Variants in EML6 observed in about 807,000 individuals in gnomAD.
EML6 encodes the protein EMAP like 6, also known as echinoderm microtubule-associated protein-like 6.
Under a neutral mutation model 240.1 loss-of-function variants are expected in EML6, and 154 were observed. The observed-to-expected ratio is 0.64, with a 90% CI of 0.56 to 0.73. EML6 has a LOEUF of 0.73. Ranked by LOEUF, EML6 falls within the 30% of genes least tolerant of loss-of-function variation. The pLI, the probability that EML6 is intolerant of heterozygous loss-of-function variation, is 0.00. For missense variants in EML6, 2,964 were observed against 2,474.6 expected, an observed-to-expected ratio of 1.20 and a Z score of -4.20; for synonymous variants, 1,148 against 899.0, an observed-to-expected ratio of 1.28 and a Z score of -4.95.
chr2:54,864,855 A>T (rs1164640474), intron 13 of EML6, among the ~76,000 whole-genome samples: 2 of 152,238 alleles, frequency 1.3e-5, no homozygotes, highest in Non-Finnish European at 2.9e-5. Flanking sequence ...CATAATCATC[A>T]GTCATTGATT....
rs536723618 is a variant in EML6 at position 54,886,965 on chromosome 2, G to A, written c.2439-4089G>A. On this transcript the variant is annotated intron_variant, in intron 17 of 41. Coordinates refer to ENST00000356458, the MANE Select transcript of EML6 (RefSeq NM_001039753.4). Reference sequence around the variant, plus strand: ...TCCTTCCCAGATGCAAGCAATAGGGGTATATTATCTGTAGAGAATTTGAAA... The same window carrying A: ...TCCTTCCCAGATGCAAGCAATAGGGATATATTATCTGTAGAGAATTTGAAA... Among the ~76,000 whole-genome samples the A allele has an allele frequency of 2.0e-5, 3 of 152,264 alleles. No homozygotes were observed. In the East Asian group the frequency reaches 5.8e-4, roughly 29 times the overall value.
intron 2 of EML6, among the ~76,000 whole-genome samples, chr2:54,801,532 T>G (rs971071657): frequency 2.0e-5 from 3 of 152,206 alleles, no homozygotes; most frequent in Non-Finnish European, 4.4e-5. Flanking sequence ...GCGCCAGCTC[T>G]GAGGAGGGCG....
intron 38 of EML6, among the ~76,000 whole-genome samples, chr2:54,966,106 A>G (rs192030971): frequency 1.3e-5 from 2 of 152,386 alleles, no homozygotes; most frequent in Admixed American, 1.3e-4. Context: ...AGCTTGCTCT[A>G]TAACAGAGAA....
At chr2:54,764,355 G>A (rs1455123300) in intron 2 of EML6, among the ~76,000 whole-genome samples, 1 of 152,202 alleles carries the variant, frequency 6.6e-6, no homozygotes, top group African/African-American at 2.4e-5. Context: ...GAATTAGCGA[G>A]ATTAGACCAA....
intron 28 of EML6, among the ~76,000 whole-genome samples, chr2:54,946,950 T>C (rs1675723334): frequency 6.6e-6 from 1 of 152,086 alleles, no homozygotes; most frequent in Non-Finnish European, 1.5e-5. Flanking sequence ...TCGGATTGCG[T>C]CTGTGTATAT....
chr2:54,933,799 GC>G (rs1258071091), intron 28 of EML6, among the ~76,000 whole-genome samples: 1 of 152,112 alleles, frequency 6.6e-6, no homozygotes, highest in African/African-American at 2.4e-5. Context: ...ATGCAGTTAT[GC>G]CACCTTCCCA....
intron 2 of EML6, among the ~76,000 whole-genome samples, chr2:54,791,109 A>G (rs537001781): frequency 5.3e-5 from 8 of 152,324 alleles, no homozygotes; most frequent in Non-Finnish European, 8.8e-5. Context: ...TTCTGAATAA[A>G]TATTACAAAA....
intron 28 of EML6, among the ~76,000 whole-genome samples, chr2:54,937,875 C>G (rs1558705350): frequency 6.6e-6 from 1 of 152,214 alleles, no homozygotes. Context: ...CTGACTTCTA[C>G]AAGAGTTGGG....
At chr2:54,927,843 T>C (rs1674637960) in intron 26 of EML6, among the ~76,000 whole-genome samples, 1 of 152,246 alleles carries the variant, frequency 6.6e-6, no homozygotes, top group African/African-American at 2.4e-5. Context: ...TCATTTTACA[T>C]CTTACTTGAG....
intron 2 of EML6, among the ~76,000 whole-genome samples, chr2:54,807,967 T>G (rs1670585287): frequency 6.6e-6 from 1 of 152,188 alleles, no homozygotes; most frequent in Non-Finnish European, 1.5e-5. Context: ...GGTATTAAGT[T>G]TATTTTACTA....
intron 31 of EML6, among the ~76,000 whole-genome samples, chr2:54,953,228 A>G (rs1456257437): frequency 6.6e-6 from 1 of 152,144 alleles, no homozygotes; most frequent in African/African-American, 2.4e-5. Context: ...TCACTGTTGG[A>G]AACGTGACTT....
chr2:54,907,500 A>G (rs368391627), intron 24 of EML6, among the ~76,000 whole-genome samples: 7 of 152,312 alleles, frequency 4.6e-5, no homozygotes, highest in East Asian at 3.9e-4. Context: ...GAGCGAGACT[A>G]TGTCTCAAAA....
chr2:54,919,748 C>G (rs988584195), intron 26 of EML6, among the ~76,000 whole-genome samples: 18 of 152,182 alleles, frequency 1.2e-4, no homozygotes, highest in African/African-American at 4.3e-4. Context: ...ACTATTGCAT[C>G]TTGCTAGTAC....
chr2:54,849,863 T>C (rs557300474), intron 9 of EML6, 99 bp from the exon 10 acceptor site: 3 of 933,342 alleles, frequency 3.2e-6, no homozygotes, highest in Non-Finnish European at 4.7e-6. Context: ...CAGGTTTGGT[T>C]CTCTTTCAAC....
chr2:54,735,522 T>C (rs1202914300), intron 2 of EML6, among the ~76,000 whole-genome samples: 1 of 152,192 alleles, frequency 6.6e-6, no homozygotes, highest in Non-Finnish European at 1.5e-5. Flanking sequence ...TGAATGGCAA[T>C]AATGACTGAT....
At chr2:54,862,343 A>G (rs1670721060) in intron 12 of EML6, among the ~76,000 whole-genome samples, 1 of 148,834 alleles carries the variant, frequency 6.7e-6, no homozygotes, top group African/African-American at 2.5e-5. Context: ...ATCTCTAAAA[A>G]AAAAAAAAAA....
At chr2:54,864,325 A>G (rs1373444388) in intron 13 of EML6, among the ~76,000 whole-genome samples, 4 of 152,202 alleles carry the variant, frequency 2.6e-5, no homozygotes, top group Non-Finnish European at 5.9e-5. Flanking sequence ...ACTTACTGCA[A>G]CCATTATCCA....
chr2:54,840,817 G>A (rs1430260993), intron 7 of EML6, among the ~76,000 whole-genome samples: 1 of 152,234 alleles, frequency 6.6e-6, no homozygotes, highest in East Asian at 1.9e-4. Flanking sequence ...CTACTGAGAG[G>A]AAGCAGACAA....
intron 41 of EML6, among the ~76,000 whole-genome samples, chr2:54,969,827 C>T (rs1402620883): frequency 1.3e-5 from 2 of 152,144 alleles, no homozygotes; most frequent in Non-Finnish European, 2.9e-5. Context: ...CACGGACCAA[C>T]ATTTAGCACA....
Sources: gnomAD v4.1 joint callset for allele counts (sites outside exome capture counted in the v4.1 genomes callset) on GRCh38, gnomAD v4.1.1 for gene constraint, MANE v1.5 for transcripts, NCBI Gene and HGNC (gene_info 2026-07-23, HGNC 2026-07-21) for gene names.